The following BLTP3B variants were observed in gnomAD, a reference collection of about 807,000 sequenced individuals.
The protein encoded by BLTP3B is UHRF1 (ICBP90) binding protein 1-like.
At chr12:100,037,288 G>A in the BLTP3B span, 21 of 1,008,132 alleles carry the variant, frequency 2.1e-5, no homozygotes, top group Non-Finnish European at 2.5e-5. Flanking sequence ...GAACACAAGA[G>A]GTTTTCCTTT....
the BLTP3B span, among the ~76,000 whole-genome samples, chr12:100,079,389 G>C: frequency 6.6e-6 from 1 of 152,176 alleles, no homozygotes; most frequent in Non-Finnish European, 1.5e-5. Context: ...AACTTGTTGG[G>C]AACTGGAAGA....
the BLTP3B span, chr12:100,047,646 A>C: frequency 6.4e-7 from 1 of 1,558,996 alleles, no homozygotes; most frequent in Non-Finnish European, 8.8e-7. Context: ...ATCCTACAGG[A>C]AAGAAAAATA....
chr12:100,079,784 A>G, the BLTP3B span, among the ~76,000 whole-genome samples: 5 of 152,208 alleles, frequency 3.3e-5, no homozygotes, highest in African/African-American at 1.2e-4. Flanking sequence ...CCAGAGGCCT[A>G]GAAGGAAAAA....
the BLTP3B span, chr12:100,142,604 T>C: frequency 6.2e-7 from 1 of 1,609,224 alleles, no homozygotes; most frequent in South Asian, 1.1e-5. Flanking sequence ...GGAGAGGTGC[T>C]TCAAGATTTG....
the BLTP3B span, among the ~76,000 whole-genome samples, chr12:100,085,904 A>C: frequency 1.3e-5 from 2 of 152,064 alleles, no homozygotes; most frequent in East Asian, 3.9e-4. Flanking sequence ...ACTCTTTTCT[A>C]ATTTTTAAAT....
At chr12:100,095,700 T>C in the BLTP3B span, 1 of 1,613,278 alleles carries the variant, frequency 6.2e-7, no homozygotes. Context: ...TCTTCCTTTG[T>C]TCTGTTGATT....
chr12:100,142,864 C>G, the BLTP3B span: 2 of 522,412 alleles, frequency 3.8e-6, no homozygotes, highest in South Asian at 2.5e-5. Flanking sequence ...GCAGCATCAC[C>G]TAAGAGACTC....
chr12:100,116,921 A>G, the BLTP3B span, among the ~76,000 whole-genome samples: 1 of 152,234 alleles, frequency 6.6e-6, no homozygotes, highest in East Asian at 1.9e-4. Context: ...ATAAAAATAA[A>G]TCAGTTGAAG....
At chr12:100,134,595 C>T in the BLTP3B span, among the ~76,000 whole-genome samples, 2 of 149,522 alleles carry the variant, frequency 1.3e-5, no homozygotes, top group East Asian at 3.9e-4. Context: ...CCAGCCTGGG[C>T]AACAGAACGA....
At chr12:100,043,106 A>C in the BLTP3B span, among the ~76,000 whole-genome samples, 902 of 152,304 alleles carry the variant, frequency 5.9e-3, 6 homozygotes, top group Non-Finnish European at 8.5e-3. Context: ...GCCAGCAATC[A>C]AGTATTTTTA....
chr12:100,092,152 AGAG>A, the BLTP3B span, among the ~76,000 whole-genome samples: 1 of 152,184 alleles, frequency 6.6e-6, no homozygotes, highest in Non-Finnish European at 1.5e-5. Flanking sequence ...TTTCTCTTTT[AGAG>A]AAGAATAAAA....
At chr12:100,042,101 A>T in the BLTP3B span, among the ~76,000 whole-genome samples, 1 of 152,224 alleles carries the variant, frequency 6.6e-6, no homozygotes, top group African/African-American at 2.4e-5. Context: ...TCGTTGAAAG[A>T]AATAAATAGA....
At chr12:100,107,880 G>A in the BLTP3B span, among the ~76,000 whole-genome samples, 25 of 152,024 alleles carry the variant, frequency 1.6e-4, no homozygotes, top group African/African-American at 6.0e-4. Context: ...GCCTACAGGC[G>A]CATGTGCTAC....
the BLTP3B span, among the ~76,000 whole-genome samples, chr12:100,102,471 G>A: frequency 1.3e-5 from 2 of 152,236 alleles, no homozygotes; most frequent in East Asian, 3.9e-4. Flanking sequence ...ATGATATGCA[G>A]AGAAACTGAT....
At chr12:100,082,680 T>G in the BLTP3B span, among the ~76,000 whole-genome samples, 1 of 152,236 alleles carries the variant, frequency 6.6e-6, no homozygotes. Context: ...TTGTCGACTT[T>G]GTCGAAGATC....
the BLTP3B span, among the ~76,000 whole-genome samples, chr12:100,087,689 T>C: frequency 2.6e-5 from 4 of 152,330 alleles, no homozygotes; most frequent in East Asian, 1.9e-4. Context: ...TCAGAGCCTT[T>C]TGGATTTCAC....
At chr12:100,073,863 C>T in the BLTP3B span, among the ~76,000 whole-genome samples, 1 of 152,044 alleles carries the variant, frequency 6.6e-6, no homozygotes, top group African/African-American at 2.4e-5. Flanking sequence ...ATCAAAGAAA[C>T]ATACCTCAAA....
the BLTP3B span, chr12:100,102,778 G>A: frequency 1.8e-5 from 29 of 1,604,766 alleles, no homozygotes; most frequent in Non-Finnish European, 2.4e-5. Context: ...TTGTCCTGAA[G>A]CAGTTGCAAT....
chr12:100,041,858 C>T, the BLTP3B span, among the ~76,000 whole-genome samples: 1 of 152,036 alleles, frequency 6.6e-6, no homozygotes, highest in Non-Finnish European at 1.5e-5. Flanking sequence ...TAAACATGAT[C>T]TTGCGTATAG....
Sources: allele counts gnomAD v4.1 joint callset (sites outside exome capture counted in the v4.1 genomes callset), GRCh38; gene constraint gnomAD v4.1.1; transcripts MANE v1.5; gene names NCBI Gene and HGNC (gene_info 2026-07-23, HGNC 2026-07-21).